The following SPOCK3 variants were observed in gnomAD, a reference collection of about 807,000 sequenced individuals.
SPOCK3 encodes the protein testican-3.
A neutral mutation model predicts 56.6 loss-of-function variants in SPOCK3; 30 were observed. That is an observed-to-expected ratio of 0.53 (90% confidence interval 0.40 to 0.72). The LOEUF (loss-of-function observed/expected upper bound fraction) is 0.72, where lower values mean the gene tolerates loss of function less well. Ranked by LOEUF, SPOCK3 falls within the 30% of genes least tolerant of loss-of-function variation. SPOCK3 has a pLI of 0.00. For missense variants in SPOCK3, 527 were observed against 530.0 expected (o/e 0.99, Z 0.06); for synonymous variants, 196 against 183.3 (o/e 1.07, Z -0.56).
intron 2 of SPOCK3, among the ~76,000 whole-genome samples, chr4:167,091,166 T>C (rs1014032835): frequency 6.6e-6 from 1 of 152,168 alleles, no homozygotes; most frequent in Non-Finnish European, 1.5e-5. Flanking sequence ...CCTGGATGCC[T>C]CTCTGACCAC....
At chr4:166,765,279 G>C (rs940379925) in intron 7 of SPOCK3, among the ~76,000 whole-genome samples, 1 of 152,114 alleles carries the variant, frequency 6.6e-6, no homozygotes, top group East Asian at 1.9e-4. Flanking sequence ...TGTCCTGAAT[G>C]GTATTGCCTA....
intron 6 of SPOCK3, among the ~76,000 whole-genome samples, chr4:166,842,672 A>T (rs1183243127): frequency 6.6e-6 from 1 of 151,316 alleles, no homozygotes; most frequent in Non-Finnish European, 1.5e-5. Context: ...ACATCCACCA[A>T]CCCTGAGCTA....
At chr4:166,842,212 T>C (rs928443202) in intron 6 of SPOCK3, among the ~76,000 whole-genome samples, 5 of 152,190 alleles carry the variant, frequency 3.3e-5, no homozygotes, top group East Asian at 1.9e-4. Context: ...AGAACAAAGC[T>C]TCCACGGTGA....
At chr4:167,067,603 C>T (rs1008884486) in intron 2 of SPOCK3, among the ~76,000 whole-genome samples, 1 of 151,692 alleles carries the variant, frequency 6.6e-6, no homozygotes, top group African/African-American at 2.4e-5. Flanking sequence ...CACTTTCTTA[C>T]CTGAAGTCTG....
At chr4:167,110,614 T>C (rs992844716) in intron 2 of SPOCK3, among the ~76,000 whole-genome samples, 3 of 152,026 alleles carry the variant, frequency 2.0e-5, no homozygotes, top group African/African-American at 7.2e-5. Flanking sequence ...TCACCTTCAT[T>C]TGCGTTCTAT....
At chr4:166,952,051 C>T (rs572857273) in intron 4 of SPOCK3, among the ~76,000 whole-genome samples, 3 of 152,288 alleles carry the variant, frequency 2.0e-5, no homozygotes, top group African/African-American at 7.2e-5. Flanking sequence ...CTCACCACTC[C>T]TATTCAACAT....
chr4:167,180,524 A>G (rs1286953629), intron 2 of SPOCK3, among the ~76,000 whole-genome samples: 1 of 152,246 alleles, frequency 6.6e-6, no homozygotes, highest in Non-Finnish European at 1.5e-5. Flanking sequence ...TTACGTTTCT[A>G]TAAATATGTA....
chr4:167,207,729 C>T (rs1219738466), intron 2 of SPOCK3, among the ~76,000 whole-genome samples: 2 of 152,088 alleles, frequency 1.3e-5, no homozygotes, highest in Non-Finnish European at 2.9e-5. Flanking sequence ...AGTTTTGGAT[C>T]ACTCATTTTC....
At chr4:166,833,266 A>G (rs1579357427) in intron 6 of SPOCK3, among the ~76,000 whole-genome samples, 1 of 152,284 alleles carries the variant, frequency 6.6e-6, no homozygotes, top group East Asian at 1.9e-4. Context: ...TGATCCAGAT[A>G]TGGGTTACTA....
chr4:167,063,559 A>G (rs1024971344), intron 2 of SPOCK3, among the ~76,000 whole-genome samples: 2 of 151,862 alleles, frequency 1.3e-5, no homozygotes, highest in Non-Finnish European at 2.9e-5. Flanking sequence ...TAAGGGGTAT[A>G]AATGCGGTTT....
In SPOCK3 at chr4:167,126,274, G is replaced by A. The variant is rs145294451; in HGVS notation, c.190-63737C>T. 1.0e-2 allele frequency among the ~76,000 whole-genome samples: 1,515 copies of A among 152,186 alleles called. 16 individuals are homozygous for A. Among genetic ancestry groups the A allele is most frequent in the Non-Finnish European group, 0.014 (933 of 68,002 alleles). The stretch of plus-strand genomic sequence containing the variant: ...ACAATAAGTTCATTGTAGGCCGGGC[G>A]CTGTGGCTCACACATGTAATCCCAG... On this transcript the variant is annotated intron_variant, in intron 2 of 10. Coordinates refer to ENST00000357545, the MANE Select transcript of SPOCK3 (RefSeq NM_001040159.2).
At chr4:166,981,702 C>T (rs563526535) in intron 4 of SPOCK3, among the ~76,000 whole-genome samples, 2 of 152,306 alleles carry the variant, frequency 1.3e-5, no homozygotes, top group East Asian at 3.9e-4. Flanking sequence ...TCATTCCTGG[C>T]TTGAAAGACG....
At chr4:166,987,142 T>C (rs1747256988) in intron 4 of SPOCK3, among the ~76,000 whole-genome samples, 1 of 152,200 alleles carries the variant, frequency 6.6e-6, no homozygotes, top group Admixed American at 6.6e-5. Flanking sequence ...CCCTATAAGA[T>C]ATGAGTGCTG....
At chr4:167,196,672 T>C (rs1287008152) in intron 2 of SPOCK3, among the ~76,000 whole-genome samples, 3 of 152,084 alleles carry the variant, frequency 2.0e-5, no homozygotes, top group African/African-American at 7.2e-5. Context: ...GAGTTCAGGG[T>C]TCTCTTCTGA....
chr4:166,908,231 T>G (rs1560996633), intron 5 of SPOCK3, among the ~76,000 whole-genome samples: 1 of 150,796 alleles, frequency 6.6e-6, no homozygotes. Context: ...TGAATTGTAA[T>G]AAAAAAATTA....
At chr4:167,077,444 G>T (rs939272685) in intron 2 of SPOCK3, among the ~76,000 whole-genome samples, 1 of 151,792 alleles carries the variant, frequency 6.6e-6, no homozygotes, top group East Asian at 2.0e-4. Flanking sequence ...TTGCATCTTA[G>T]CTCAAACTAC....
At chr4:166,854,288 C>G (rs1730434904) in intron 6 of SPOCK3, among the ~76,000 whole-genome samples, 1 of 152,116 alleles carries the variant, frequency 6.6e-6, no homozygotes, top group South Asian at 2.1e-4. Context: ...TCCAACAGTA[C>G]TTTAACATGG....
chr4:166,755,717 G>T (rs1736979143), intron 7 of SPOCK3, among the ~76,000 whole-genome samples: 1 of 151,944 alleles, frequency 6.6e-6, no homozygotes, highest in African/African-American at 2.4e-5. Context: ...TCAACAACAG[G>T]GTTTGAAGAG....
At chr4:167,135,345 G>A (rs67976303) in intron 2 of SPOCK3, among the ~76,000 whole-genome samples, 17,539 of 152,072 alleles carry the variant, frequency 0.12, 1,248 homozygotes, top group South Asian at 0.19. Flanking sequence ...TTTTTAAAAC[G>A]TAGCACACAT....
Sources: allele counts gnomAD v4.1 joint callset (sites outside exome capture counted in the v4.1 genomes callset), GRCh38; gene constraint gnomAD v4.1.1; transcripts MANE v1.5; gene names NCBI Gene and HGNC (gene_info 2026-07-23, HGNC 2026-07-21).